POLR2L: variants seen among roughly 807,000 people sequenced by gnomAD.
The protein encoded by POLR2L is DNA-directed RNA polymerases I, II, and III subunit RPABC5.
POLR2L carries 7 observed loss-of-function variants against 6.8 expected under a neutral mutation model. The ratio of observed to expected loss-of-function variants is 1.03; its 90% confidence interval spans 0.59 to 1.94. POLR2L has a LOEUF of 1.94. POLR2L is among the 30% of genes most tolerant of loss of function. The pLI is 0.00. For synonymous variants in POLR2L, 59 were observed against 39.8 expected (o/e 1.48, Z -1.82); for missense variants, 93 against 86.7 (o/e 1.07, Z -0.29).
intron 1 of POLR2L, 22 bp downstream of exon 1, chr11:842,392 C>T: frequency 1.2e-5 from 19 of 1,557,834 alleles, no homozygotes; most frequent in Non-Finnish European, 1.6e-5. Flanking sequence ...GACTCAGCCC[C>T]TAGCCCCGGC....
At chr11:842,369 G>A in intron 1 of POLR2L, 45 bp downstream of exon 1, 3 of 1,445,424 alleles carry the variant, frequency 2.1e-6, no homozygotes, top group South Asian at 2.6e-5. Flanking sequence ...GCCCCGGCCC[G>A]CGCCCCACGG....
rs1479948439 is a variant in POLR2L, at chr11:842,428, G to T, written c.81C>A (p.Ala27=). 1.2e-5 allele frequency: 19 copies of T among 1,589,674 alleles called. No individual in the cohort carries two copies. Among genetic ancestry groups the T allele is most frequent in the Non-Finnish European group, 1.5e-5 (17 of 1,170,382 alleles). The change falls in exon 1 of 2, where the codon GCC becomes GCA. Residue 27 remains alanine (A), a synonymous_variant. Transcript: ENST00000322028. ...CCGCGCCTCACCCCTCGGTGTACTCGGCCTGCAGCAGCCCCAGGTAAGCCT... is the reference window on the plus strand; with the variant it reads ...CCGCGCCTCACCCCTCGGTGTACTCTGCCTGCAGCAGCCCCAGGTAAGCCT... ...KWEAYLGLLQ[A]EYTEGDALDA...
In POLR2L at chr11:840,436, C is replaced by A. The variant is rs765962780; in HGVS notation, c.140G>T (p.Arg47Leu). 1.9e-6 allele frequency: 3 copies of A among 1,612,208 alleles called. No homozygotes were observed. Among genetic ancestry groups the A allele is most frequent in the East Asian group, 2.2e-5 (1 of 44,860 alleles). The change falls in exon 2 of 2, where the codon CGG becomes CTG. Residue 47 changes from arginine to leucine, a missense_variant. Physicochemically the swap from Arg to Leu is moderately radical, Grantham distance 102 (BLOSUM62 -2). Transcript: ENST00000322028. ...CAGGTCCACGTGGGCCAGCAGCATCCGGCGGCAGCAGTAGCGCTTCAGGCC... is the reference window on the plus strand; with the variant it reads ...CAGGTCCACGTGGGCCAGCAGCATCAGGCGGCAGCAGTAGCGCTTCAGGCC... ...ALGLKRYCCR[R>L]MLLAHVDLIE...
At position 842,488 on chromosome 11, in the gene POLR2L, G is replaced by A. The variant is rs940139936; in HGVS notation, c.21C>T (p.Cys7=). 4 of 1,595,514 alleles carry A rather than the reference G, an allele frequency of 2.5e-6. No individual in the cohort carries two copies. Among genetic ancestry groups the A allele is most frequent in the South Asian group, 2.2e-5 (2 of 89,032 alleles). ...TGCCGACGATCTTGCCACAAGTGAA[G>A]CAGCGTACAGGGATGATCATGGCGG... MIIPVR[C]FTCGKIVGNK... The change falls in exon 1 of 2, where the codon TGC becomes TGT. Residue 7 remains cysteine, a synonymous_variant. Coordinates refer to ENST00000322028, the MANE Select transcript of POLR2L (RefSeq NM_021128.5).
chr11:840,773 G>GT (rs1846944625), intron 1 of POLR2L, among the ~76,000 whole-genome samples: 1 of 152,186 alleles, frequency 6.6e-6, no homozygotes, highest in South Asian at 2.1e-4. Context: ...TGAAAACGAA[G>GT]TAATTGCGGG....
chr11:841,521 C>T (rs1487967916), intron 1 of POLR2L, among the ~76,000 whole-genome samples: 3 of 152,176 alleles, frequency 2.0e-5, no homozygotes, highest in Non-Finnish European at 2.9e-5. Context: ...GCAACCTCCA[C>T]CTGCCTCCCA....
At position 842,520 on chromosome 11, in the gene POLR2L, G is replaced by C; in HGVS notation, c.-12C>G. 1.9e-6 allele frequency: 3 copies of C among 1,566,584 alleles called. No homozygotes were observed. Among genetic ancestry groups the C allele is most frequent in the Non-Finnish European group, 2.6e-6 (3 of 1,158,488 alleles). On this transcript the variant is annotated 5_prime_UTR_variant, in exon 1 of 2. Transcript: ENST00000322028. The stretch of plus-strand genomic sequence containing the variant: ...ACAGGGATGATCATGGCGGCGGCGC[G>C]TCCCAGACTGCCCGGCCCGGCCCGG...
Position 842,396 on chromosome 11 carries a change from C to T in POLR2L, c.95+18G>A, listed in dbSNP as rs1846999281. On this transcript the variant is annotated intron_variant, in intron 1 of 1. Transcript: ENST00000322028. ...GCCCCACGGCGGACTCAGCCCCTAG[C>T]CCCGGCCCGCGCCTCACCCCTCGGT... 1 of 1,564,252 alleles carries T rather than the reference C, an allele frequency of 6.4e-7. No individual in the cohort carries two copies. Among genetic ancestry groups the T allele is most frequent in the Non-Finnish European group, 8.6e-7 (1 of 1,157,056 alleles).
intron 1 of POLR2L, among the ~76,000 whole-genome samples, chr11:841,045 A>C (rs1846951552): frequency 6.6e-6 from 1 of 152,074 alleles, no homozygotes; most frequent in Non-Finnish European, 1.5e-5. Flanking sequence ...AGCTCCAGTC[A>C]CCCTCAAGAC....
At position 840,743 on chromosome 11, in the gene POLR2L, T is replaced by C. The variant is rs554893776; in HGVS notation, c.96-263A>G. On this transcript the variant is annotated intron_variant, in intron 1 of 1. Transcript: ENST00000322028. Reference sequence around the variant, plus strand: ...GCTGTACGTGTGTGTGTATAACGTATGTAAGAAATGTAAATGAAATGAAAA... The same window carrying C: ...GCTGTACGTGTGTGTGTATAACGTACGTAAGAAATGTAAATGAAATGAAAA... Among the ~76,000 whole-genome samples the C allele has an allele frequency of 1.2e-4, 18 of 152,220 alleles. 1 individual carries two copies. Among genetic ancestry groups the C allele is most frequent in the African/African-American group, 3.9e-4 (16 of 41,532 alleles).
chr11:840,677 C>A (rs183751224), intron 1 of POLR2L, among the ~76,000 whole-genome samples, 197 bp from the exon 2 acceptor site: 102 of 152,330 alleles, frequency 6.7e-4, no homozygotes, highest in Non-Finnish European at 1.2e-3. Context: ...TGCCCAGAAC[C>A]CTGGGTGGAG....
chr11:839,807 A>G lies in POLR2L; in HGVS notation c.*565T>C, dbSNP rs1828349022. 1 of 152,316 alleles carries G rather than the reference A, an allele frequency of 6.6e-6. No homozygotes were observed. Among genetic ancestry groups the G allele is most frequent in the Admixed American group, 6.5e-5 (1 of 15,292 alleles). The allele number at this position is 152,316 out of a possible 1,614,324, so 9.4% of individuals were successfully genotyped here. A position where few individuals can be genotyped will look rare whatever the true frequency, so the allele number is the denominator to read the frequency against. On this transcript the variant is annotated 3_prime_UTR_variant, in exon 2 of 2. Coordinates refer to ENST00000322028, the MANE Select transcript of POLR2L (RefSeq NM_021128.5). ...ACAGGTGTGAACACTGTGCCCAGCTAATTTATTAAATTTTGTTGTAGAGAT... is the reference window on the plus strand; with the variant it reads ...ACAGGTGTGAACACTGTGCCCAGCTGATTTATTAAATTTTGTTGTAGAGAT...
At position 840,401 on chromosome 11, in the gene POLR2L, G is replaced by C. The variant is rs746098824; in HGVS notation, c.175C>G (p.Leu59Val). Residue 59 changes from leucine (L) to valine (V), a missense_variant, in exon 2 of 2, where the codon CTG (leucine) becomes GTG (valine). Leu to Val is a conservative substitution (Grantham distance 32). Coordinates refer to ENST00000322028, the MANE Select transcript of POLR2L (RefSeq NM_021128.5). ...LLAHVDLIEK[L>V]LNYAPLEK ...TTCTCCAGGGGTGCATAATTGAGCA[G>C]CTTCTCGATCAGGTCCACGTGGGCC... The C allele has an allele frequency of 6.2e-6, 10 of 1,611,158 alleles. No individual in the cohort carries two copies. The South Asian group carries it at 1.1e-4, about 18-fold the overall frequency.
chr11:841,984 G>A (rs887339057), intron 1 of POLR2L, among the ~76,000 whole-genome samples: 7 of 152,240 alleles, frequency 4.6e-5, no homozygotes, highest in Non-Finnish European at 7.3e-5. Flanking sequence ...CTGGGCTCAA[G>A]CAAGCCTCTC....
At position 840,278 on chromosome 11, in the gene POLR2L, T is replaced by C; in HGVS notation, c.*94A>G. 2.6e-6 allele frequency: 2 copies of C among 766,054 alleles called. No individual in the cohort carries two copies. Among genetic ancestry groups the C allele is most frequent in the Non-Finnish European group, 4.5e-6 (2 of 445,484 alleles). 47.5% of individuals were successfully genotyped at this position (766,054 alleles called of 1,614,324 possible). A position where few individuals can be genotyped will look rare whatever the true frequency, so the allele number is the denominator to read the frequency against. On this transcript the variant is annotated 3_prime_UTR_variant, in exon 2 of 2. Transcript: ENST00000322028. Reference sequence around the variant, plus strand: ...GATACACACACACTGCGGCCAGGCATTACGCCAGCTCCCGGATGCCTCAGC... The same window carrying C: ...GATACACACACACTGCGGCCAGGCACTACGCCAGCTCCCGGATGCCTCAGC...
intron 1 of POLR2L, 103 bp from the exon 2 acceptor site, chr11:840,583 C>CA: frequency 4.1e-6 from 3 of 731,324 alleles, no homozygotes; most frequent in South Asian, 1.5e-5. Flanking sequence ...GCCTCACCCC[C>CA]CCCGCCACCG....
At chr11:841,926 T>A (rs758958352) in intron 1 of POLR2L, among the ~76,000 whole-genome samples, 6 of 152,076 alleles carry the variant, frequency 3.9e-5, no homozygotes, top group Non-Finnish European at 5.9e-5. Context: ...TAAAATAAAT[T>A]TCTGGAGATC....
intron 1 of POLR2L, among the ~76,000 whole-genome samples, chr11:841,877 C>A (rs1846978166): frequency 6.6e-6 from 1 of 152,122 alleles, no homozygotes; most frequent in African/African-American, 2.4e-5. Flanking sequence ...CCAACCTGGG[C>A]GACGGAGCGA....
Position 839,847 on chromosome 11 carries a change from A to T in POLR2L, c.*525T>A, listed in dbSNP as rs559720896. On this transcript the variant is annotated 3_prime_UTR_variant, in exon 2 of 2. Transcript: ENST00000322028. ...GTTGTAGAGATGGGGTCTCATTATG[A>T]TGCCCAGGCGGGTCTTGAATTTCTG... 2 of 152,786 alleles carry T rather than the reference A, an allele frequency of 1.3e-5. No homozygotes were observed. The highest frequency in any genetic ancestry group is 4.8e-5 in the African/African-American group (2 of 41,568). The allele number at this position is 152,786 out of a possible 1,614,324, so 9.5% of individuals were successfully genotyped here.
Sources: allele counts gnomAD v4.1 joint callset (sites outside exome capture counted in the v4.1 genomes callset), GRCh38; gene constraint gnomAD v4.1.1; transcripts MANE v1.5; gene names NCBI Gene and HGNC (gene_info 2026-07-23, HGNC 2026-07-21).